Variants in SLC47A1 observed in about 807,000 individuals in gnomAD.
SLC47A1 encodes solute carrier family 47 member 1.
A neutral mutation model predicts 65.8 loss-of-function variants in SLC47A1; 58 were observed. The observed-to-expected ratio is 0.88, with a 90% CI of 0.71 to 1.10. The LOEUF (loss-of-function observed/expected upper bound fraction) is 1.10. SLC47A1 is among the 50% of genes least tolerant of loss of function. The pLI, the probability that SLC47A1 is intolerant of heterozygous loss-of-function variation, is 0.00. For missense variants in SLC47A1, 706 were observed against 719.2 expected (o/e 0.98, Z 0.21); for synonymous variants, 285 against 295.0 (o/e 0.97, Z 0.35).
intron 1 of SLC47A1, chr17:19,534,285 C>A (rs75088086): frequency 0.01 from 5,808 of 566,950 alleles, 45 homozygotes; most frequent in Non-Finnish European, 0.013. Flanking sequence ...CGACTGGGGG[C>A]CCCGCGGGGC....
intron 1 of SLC47A1, among the ~76,000 whole-genome samples, chr17:19,540,619 C>T (rs112583721): frequency 6.6e-6 from 1 of 152,176 alleles, no homozygotes. Context: ...TTTAGATTCT[C>T]CAGCATCTGG....
At chr17:19,557,214 A>G (rs1002986172) in intron 10 of SLC47A1, 4 of 157,610 alleles carry the variant, frequency 2.5e-5, no homozygotes, top group African/African-American at 7.2e-5. Context: ...GTTTTAAAAC[A>G]TAGAGTACAC....
rs2084361254 is a variant in SLC47A1, at chr17:19,566,787, C to A, written c.1107-3C>A. On this transcript the variant is annotated splice_region_variant and splice_polypyrimidine_tract_variant and intron_variant, in intron 12 of 16. Coordinates refer to ENST00000270570, the MANE Select transcript of SLC47A1 (RefSeq NM_018242.3). Reference sequence around the variant, plus strand: ...ATCACCACGTGCTTTATTTTCCTAACAGAGACATCATTAATCTGGTGGCTC... The same window carrying A: ...ATCACCACGTGCTTTATTTTCCTAAAAGAGACATCATTAATCTGGTGGCTC... The A allele has an allele frequency of 1.2e-6, 2 of 1,614,056 alleles. No individual in the cohort carries two copies. Among genetic ancestry groups the A allele is most frequent in the Non-Finnish European group, 8.5e-7 (1 of 1,179,948 alleles).
chr17:19,541,253 G>A (rs959835410), intron 1 of SLC47A1, among the ~76,000 whole-genome samples: 1 of 152,174 alleles, frequency 6.6e-6, no homozygotes, highest in Non-Finnish European at 1.5e-5. Flanking sequence ...GCCCCATGGG[G>A]CAGATGCAGG....
At chr17:19,556,272 T>C (rs1015844001) in intron 10 of SLC47A1, among the ~76,000 whole-genome samples, 5 of 152,218 alleles carry the variant, frequency 3.3e-5, no homozygotes, top group Admixed American at 3.3e-4. Context: ...AAACTGCACA[T>C]GATCTGCTGG....
chr17:19,567,105 G>A lies in SLC47A1; in HGVS notation c.1186G>A (p.Gly396Ser), dbSNP rs1436187336. The A allele has an allele frequency of 6.2e-7, 1 of 1,614,180 alleles. No individual in the cohort carries two copies. Among genetic ancestry groups the A allele is most frequent in the East Asian group, 2.2e-5 (1 of 44,888 alleles). ...TGCTCTCTGCCTGCAGTGCACGAGT[G>A]GTGGTGTTCTGAGGGGGAGTGGAAA... is the stretch of plus-strand genomic sequence containing the variant. ...HLFEALACTS[G>S]GVLRGSGNQK... The change falls in exon 14 of 17, where the codon GGT (glycine) becomes AGT (serine). Residue 396 changes from glycine to serine, a missense_variant. By Grantham distance (56) the Gly-to-Ser change is moderately conservative. Coordinates refer to ENST00000270570, the MANE Select transcript of SLC47A1 (RefSeq NM_018242.3).
At chr17:19,552,397 A>G (rs926030253) in intron 6 of SLC47A1, among the ~76,000 whole-genome samples, 2 of 152,230 alleles carry the variant, frequency 1.3e-5, no homozygotes, top group African/African-American at 4.8e-5. Context: ...TTAGCATAGA[A>G]TGACATATCA....
At chr17:19,571,258 G>A (rs180742660) in intron 14 of SLC47A1, among the ~76,000 whole-genome samples, 5 of 152,174 alleles carry the variant, frequency 3.3e-5, no homozygotes, top group Non-Finnish European at 2.9e-5. Flanking sequence ...GGCCCTTTTG[G>A]GGGTGGCCTC....
At chr17:19,572,731 C>A in intron 15 of SLC47A1, 49 bp from the exon 16 acceptor site, 1 of 1,561,588 alleles carries the variant, frequency 6.4e-7, no homozygotes, top group African/African-American at 1.4e-5. Context: ...AAGTAAAATA[C>A]CATATTAACA....
At chr17:19,563,850 G>T (rs189457713) in intron 12 of SLC47A1, among the ~76,000 whole-genome samples, 3 of 152,108 alleles carry the variant, frequency 2.0e-5, no homozygotes, top group Non-Finnish European at 2.9e-5. Context: ...TTAGCCGGGC[G>T]TGGTGGCACG....
chr17:19,560,959 A>AT (rs1410788068), intron 12 of SLC47A1, among the ~76,000 whole-genome samples: 6 of 151,812 alleles, frequency 4.0e-5, no homozygotes, highest in East Asian at 1.9e-4. Context: ...AAAACTAGGA[A>AT]TTTTTTTTAA....
At position 19,577,363 on chromosome 17, in the gene SLC47A1, A is replaced by G. The variant is rs770635889; in HGVS notation, c.1523A>G (p.Asp508Gly). The change falls in exon 17 of 17, where the codon GAT becomes GGT. Residue 508 changes from aspartate to glycine, a missense_variant. Physicochemically the swap from Asp to Gly is moderately conservative, Grantham distance 94. Transcript: ENST00000270570. ...PENLEGILTNDVGKTGEPQSD... is the reference protein window; with the variant it reads ...PENLEGILTNGVGKTGEPQSD... ...AACCTTGAAGGAATTTTAACGAACG[A>G]TGTTGGAAAGACAGGCGAGCCTCAG... 2.5e-6 allele frequency: 4 copies of G among 1,614,050 alleles called. No homozygotes were observed. In the Admixed American group the frequency reaches 5.0e-5, roughly 20 times the overall value.
At chr17:19,556,744 G>A (rs1189776052) in intron 10 of SLC47A1, among the ~76,000 whole-genome samples, 1 of 152,076 alleles carries the variant, frequency 6.6e-6, no homozygotes, top group Non-Finnish European at 1.5e-5. Context: ...TTTCAGTAGA[G>A]ACAGGGTTTC....
At chr17:19,574,016 G>C (rs564758469) in intron 16 of SLC47A1, among the ~76,000 whole-genome samples, 1 of 151,028 alleles carries the variant, frequency 6.6e-6, no homozygotes, top group Non-Finnish European at 1.5e-5. Flanking sequence ...TCCGCCTCCC[G>C]GGTTCAAGCG....
intron 1 of SLC47A1, among the ~76,000 whole-genome samples, chr17:19,538,713 G>T (rs1253234900): frequency 3.9e-5 from 6 of 152,178 alleles, no homozygotes. Context: ...AAAAGAAGGG[G>T]GGCTGTCCCA....
chr17:19,547,826 G>A (rs2453575), intron 3 of SLC47A1, among the ~76,000 whole-genome samples, 159 bp from the exon 4 acceptor site: 26,189 of 149,104 alleles, frequency 0.18, 2,360 homozygotes, highest in East Asian at 0.33. Flanking sequence ...AGGTTCAAGC[G>A]ATTCTCCTGC....
intron 16 of SLC47A1, 85 bp from the exon 17 acceptor site, chr17:19,577,242 A>G (rs2084447720): frequency 1.3e-6 from 2 of 1,535,954 alleles, no homozygotes; most frequent in African/African-American, 2.8e-5. Flanking sequence ...CTCCACTATT[A>G]GCACATATTC....
chr17:19,544,130 G>T (rs1052447707), intron 2 of SLC47A1, among the ~76,000 whole-genome samples: 1 of 152,040 alleles, frequency 6.6e-6, no homozygotes. Context: ...ATTTTTAGTA[G>T]AGATGGGGTT....
intron 11 of SLC47A1, 36 bp downstream of exon 11, chr17:19,560,332 G>T (rs761176535): frequency 6.2e-7 from 1 of 1,607,418 alleles, no homozygotes; most frequent in Non-Finnish European, 8.5e-7. Context: ...TCTTGGTGCA[G>T]TCTCTGCATG....
Sources: gnomAD v4.1 joint callset for allele counts (sites outside exome capture counted in the v4.1 genomes callset) on GRCh38, gnomAD v4.1.1 for gene constraint, MANE v1.5 for transcripts, NCBI Gene and HGNC (gene_info 2026-07-23, HGNC 2026-07-21) for gene names.